The following CNTN5 variants were observed in gnomAD, a reference collection of about 807,000 sequenced individuals.
CNTN5 encodes contactin 5.
CNTN5 carries 77 observed loss-of-function variants against 129.1 expected under a neutral mutation model. The observed-to-expected ratio is 0.60, with a 90% CI of 0.50 to 0.72. CNTN5 has a LOEUF of 0.72. Among genes scored for constraint, CNTN5 ranks in the 30% least tolerant of loss-of-function variants. CNTN5 has a pLI of 0.00. For missense variants in CNTN5, 1,478 were observed against 1,328.8 expected (o/e 1.11, Z -1.75); for synonymous variants, 509 against 465.6 (o/e 1.09, Z -1.20).
chr11:100,009,662 G>A (rs974880540), intron 9 of CNTN5, among the ~76,000 whole-genome samples: 6 of 152,106 alleles, frequency 3.9e-5, no homozygotes, highest in Non-Finnish European at 7.4e-5. Context: ...GGGAAACTGG[G>A]TTATCAGGAG....
intron 23 of CNTN5, among the ~76,000 whole-genome samples, chr11:100,345,838 GA>G (rs1381887962): frequency 6.6e-6 from 1 of 152,102 alleles, no homozygotes; most frequent in Non-Finnish European, 1.5e-5. Context: ...ATAATTTCAA[GA>G]TATCATAGTT....
intron 1 of CNTN5, among the ~76,000 whole-genome samples, chr11:99,282,649 C>A (rs1211618552): frequency 6.6e-6 from 1 of 152,016 alleles, no homozygotes; most frequent in Non-Finnish European, 1.5e-5. Flanking sequence ...TCGAATAAAT[C>A]TGGGGCGGTC....
chr11:100,256,263 A>G (rs1281932966), intron 17 of CNTN5, among the ~76,000 whole-genome samples: 3 of 152,126 alleles, frequency 2.0e-5, no homozygotes, highest in Admixed American at 6.5e-5. Context: ...ACAATTACCA[A>G]ATCAGGAGAT....
chr11:99,361,652 T>TC (rs898191117), intron 2 of CNTN5, among the ~76,000 whole-genome samples: 6 of 152,228 alleles, frequency 3.9e-5, no homozygotes, highest in Admixed American at 1.3e-4. Context: ...AATTTCTTTT[T>TC]CCCCCAACAT....
intron 9 of CNTN5, among the ~76,000 whole-genome samples, chr11:100,045,037 A>G (rs1298731205): frequency 6.6e-6 from 1 of 152,058 alleles, no homozygotes; most frequent in Non-Finnish European, 1.5e-5. Flanking sequence ...TCCTACTGCA[A>G]GAAGTCTTTT....
chr11:99,891,820 A>C (rs1165242474), intron 6 of CNTN5, among the ~76,000 whole-genome samples: 1 of 152,138 alleles, frequency 6.6e-6, no homozygotes. Flanking sequence ...TAGTACAATG[A>C]TTTATAATCC....
At chr11:99,284,140 A>G (rs1863819603) in intron 1 of CNTN5, among the ~76,000 whole-genome samples, 1 of 152,038 alleles carries the variant, frequency 6.6e-6, no homozygotes, top group Non-Finnish European at 1.5e-5. Context: ...TTGTCAGTGG[A>G]GTGCTTAACA....
intron 3 of CNTN5, among the ~76,000 whole-genome samples, chr11:99,756,812 A>T (rs947285875): frequency 1.3e-5 from 2 of 152,052 alleles, no homozygotes; most frequent in African/African-American, 4.8e-5. Context: ...TTTAAATAAG[A>T]GATTTGGAAT....
chr11:99,952,586 C>T (rs1394256961), intron 7 of CNTN5, among the ~76,000 whole-genome samples: 1 of 152,032 alleles, frequency 6.6e-6, no homozygotes, highest in African/African-American at 2.4e-5. Flanking sequence ...GGCTGGAGCG[C>T]AGTGGCACAG....
At chr11:99,480,583 T>C (rs1437123964) in intron 2 of CNTN5, among the ~76,000 whole-genome samples, 2 of 152,240 alleles carry the variant, frequency 1.3e-5, no homozygotes, top group Non-Finnish European at 2.9e-5. Context: ...AATGTTTGCA[T>C]ATTCTTGAGA....
chr11:100,284,153 C>T (rs893505160), intron 18 of CNTN5, among the ~76,000 whole-genome samples: 2 of 152,062 alleles, frequency 1.3e-5, no homozygotes, highest in Non-Finnish European at 2.9e-5. Context: ...GCGGTGGTCT[C>T]AGTGATTCAA....
chr11:99,147,593 T>A (rs117034813), intron 1 of CNTN5, among the ~76,000 whole-genome samples: 7,266 of 152,264 alleles, frequency 0.048, 197 homozygotes, highest in Middle Eastern at 0.065. Flanking sequence ...AATATGTTTT[T>A]GAGAGAGCAG....
At chr11:100,211,200 G>A (rs1048112340) in intron 15 of CNTN5, among the ~76,000 whole-genome samples, 1 of 151,996 alleles carries the variant, frequency 6.6e-6, no homozygotes, top group African/African-American at 2.4e-5. Flanking sequence ...AACTTCTGGT[G>A]GGTGATGCCC....
At chr11:100,066,202 A>G (rs1450962308) in intron 10 of CNTN5, among the ~76,000 whole-genome samples, 1 of 152,156 alleles carries the variant, frequency 6.6e-6, no homozygotes, top group Non-Finnish European at 1.5e-5. Flanking sequence ...GAGACTCATT[A>G]CAGTTAAATA....
At chr11:99,206,643 G>T (rs772529720) in intron 1 of CNTN5, among the ~76,000 whole-genome samples, 34 of 152,122 alleles carry the variant, frequency 2.2e-4, no homozygotes, top group African/African-American at 7.2e-4. Context: ...CTGGAACTAA[G>T]TATACCTTCT....
At chr11:99,492,714 G>A (rs1946083150) in intron 2 of CNTN5, among the ~76,000 whole-genome samples, 1 of 152,088 alleles carries the variant, frequency 6.6e-6, no homozygotes, top group African/African-American at 2.4e-5. Context: ...TCAATGTCAT[G>A]TTTACATGAC....
chr11:100,060,326 G>C (rs1171997799), intron 9 of CNTN5, among the ~76,000 whole-genome samples: 1 of 151,606 alleles, frequency 6.6e-6, no homozygotes, highest in Non-Finnish European at 1.5e-5. Flanking sequence ...CTATTAAGCA[G>C]AATAAGTCAG....
chr11:99,283,478 G>T (rs528033146), intron 1 of CNTN5, among the ~76,000 whole-genome samples: 197 of 152,058 alleles, frequency 1.3e-3, no homozygotes, highest in Admixed American at 5.4e-3. Context: ...GTAGGAAAAA[G>T]ATCTGAATAG....
chr11:100,105,036 T>G (rs1945373463), intron 13 of CNTN5, among the ~76,000 whole-genome samples: 1 of 152,186 alleles, frequency 6.6e-6, no homozygotes, highest in African/African-American at 2.4e-5. Context: ...ACGGTATATT[T>G]TACACTGATT....
Sources: allele counts gnomAD v4.1 joint callset (sites outside exome capture counted in the v4.1 genomes callset), GRCh38; gene constraint gnomAD v4.1.1; transcripts MANE v1.5; gene names NCBI Gene and HGNC (gene_info 2026-07-23, HGNC 2026-07-21).